AGBL4: variants seen among roughly 807,000 people sequenced by gnomAD.
AGBL4 encodes the protein cytosolic carboxypeptidase 6.
Under a neutral mutation model 66.4 loss-of-function variants are expected in AGBL4, and 58 were observed. That is an observed-to-expected ratio of 0.87 (90% CI 0.71 to 1.09). The LOEUF (loss-of-function observed/expected upper bound fraction) is 1.09, where lower values mean the gene tolerates loss of function less well. Ranked by LOEUF, AGBL4 falls within the 50% of genes least tolerant of loss-of-function variation. The pLI, the probability that AGBL4 is intolerant of heterozygous loss-of-function variation, is 0.00. For synonymous variants in AGBL4, 234 were observed against 222.9 expected, an observed-to-expected ratio of 1.05 and a Z score of -0.44; for missense variants, 579 against 631.0, an observed-to-expected ratio of 0.92 and a Z score of 0.88.
At chr1:49,278,373 G>C (rs189235333) in intron 3 of AGBL4, among the ~76,000 whole-genome samples, 8 of 152,110 alleles carry the variant, frequency 5.3e-5, no homozygotes, top group Admixed American at 1.3e-4. Context: ...TAACAAACAG[G>C]GCAGTAAATC....
intron 6 of AGBL4, among the ~76,000 whole-genome samples, chr1:48,835,350 G>A (rs1024930756): frequency 2.6e-5 from 4 of 152,134 alleles, no homozygotes; most frequent in African/African-American, 9.7e-5. Flanking sequence ...AGCAAAAACA[G>A]ACATGAACTC....
chr1:48,650,981 G>A (rs535675945), intron 8 of AGBL4, among the ~76,000 whole-genome samples: 1 of 152,328 alleles, frequency 6.6e-6, no homozygotes, highest in Non-Finnish European at 1.5e-5. Flanking sequence ...AAGTACTGCT[G>A]TAGAGAGTAG....
intron 2 of AGBL4, among the ~76,000 whole-genome samples, chr1:49,802,447 G>A (rs1644884223): frequency 6.6e-6 from 1 of 152,156 alleles, no homozygotes; most frequent in African/African-American, 2.4e-5. Context: ...AACTGTTACT[G>A]CTGATTAATA....
At chr1:48,610,265 C>CTCTG (rs572188146) in intron 9 of AGBL4, among the ~76,000 whole-genome samples, 230 of 152,324 alleles carry the variant, frequency 1.5e-3, no homozygotes, top group Non-Finnish European at 2.6e-3. Flanking sequence ...CTGTGTCTAA[C>CTCTG]TCTGCATCCC....
At chr1:49,948,035 TAC>T (rs1491516514) in intron 1 of AGBL4, among the ~76,000 whole-genome samples, 2 of 22,026 alleles carry the variant, frequency 9.1e-5, no homozygotes, top group African/African-American at 1.6e-4. Context: ...TAAATATATA[TAC>T]ATATAAATAT....
chr1:48,636,642 C>T (rs1447735335), intron 8 of AGBL4, among the ~76,000 whole-genome samples: 2 of 152,162 alleles, frequency 1.3e-5, no homozygotes, highest in South Asian at 2.1e-4. Context: ...GTGCCTTGAT[C>T]TACAGACATA....
chr1:49,235,431 C>T (rs1196740025), intron 4 of AGBL4, among the ~76,000 whole-genome samples: 1 of 152,190 alleles, frequency 6.6e-6, no homozygotes, highest in African/African-American at 2.4e-5. Flanking sequence ...CAAGTTGTCA[C>T]ATTTCATCCC....
At position 49,258,007 on chromosome 1, in the gene AGBL4, A is replaced by G. The variant is rs531324863; in HGVS notation, c.283-12143T>C. Among the ~76,000 whole-genome samples the G allele has an allele frequency of 3.3e-5, 5 of 152,284 alleles. No individual in the cohort carries two copies. In the South Asian group the frequency reaches 1.0e-3, roughly 32 times the overall value. ...AGACAGCAGCATTTGCAGTTCATGA[A>G]AATCCACGGTTCTGCAGACCCCGCT... is the stretch of plus-strand genomic sequence containing the variant. On this transcript the variant is annotated intron_variant, in intron 3 of 13. Coordinates refer to ENST00000371839, the MANE Select transcript of AGBL4 (RefSeq NM_032785.4).
In AGBL4 at chr1:49,986,303, C is replaced by T. The variant is rs542649142; in HGVS notation, c.34+37460G>A. Among the ~76,000 whole-genome samples, 3 of 152,078 alleles carry T rather than the reference C, an allele frequency of 2.0e-5. No homozygotes were observed. The East Asian group carries it at 5.8e-4, about 29-fold the overall frequency. On this transcript the variant is annotated intron_variant, in intron 1 of 13. Coordinates refer to ENST00000371839, the MANE Select transcript of AGBL4 (RefSeq NM_032785.4). ...GGAGTAGTTTTTTACTGTTCCTGGG[C>T]TTAATATTAACGAAATAATATGATA...
chr1:48,696,274 C>T (rs903326181), intron 6 of AGBL4, among the ~76,000 whole-genome samples: 5 of 152,168 alleles, frequency 3.3e-5, no homozygotes, highest in Non-Finnish European at 4.4e-5. Flanking sequence ...ATCAGGTGAT[C>T]GCACAGATTT....
chr1:49,923,595 AG>A (rs1652480451), intron 1 of AGBL4, among the ~76,000 whole-genome samples: 1 of 152,202 alleles, frequency 6.6e-6, no homozygotes, highest in Non-Finnish European at 1.5e-5. Flanking sequence ...AGAATCTATA[AG>A]GAACTTAAAC....
intron 11 of AGBL4, among the ~76,000 whole-genome samples, chr1:48,564,274 T>A (rs2148303098): frequency 6.6e-6 from 1 of 152,302 alleles, no homozygotes; most frequent in South Asian, 2.1e-4. Flanking sequence ...ACTGTGTCCC[T>A]TTCTGACTTA....
chr1:49,754,952 T>A (rs1651780569), intron 2 of AGBL4, among the ~76,000 whole-genome samples: 1 of 152,178 alleles, frequency 6.6e-6, no homozygotes, highest in African/African-American at 2.4e-5. Context: ...GAAGTCAATC[T>A]TTTTGCTTTT....
chr1:48,833,716 C>T (rs1646611303), intron 6 of AGBL4, among the ~76,000 whole-genome samples: 1 of 152,150 alleles, frequency 6.6e-6, no homozygotes, highest in Admixed American at 6.5e-5. Context: ...GAAACACTGC[C>T]AGCTAGAAGT....
At chr1:49,379,738 C>G (rs926380860) in intron 3 of AGBL4, among the ~76,000 whole-genome samples, 2 of 152,078 alleles carry the variant, frequency 1.3e-5, no homozygotes, top group East Asian at 3.8e-4. Flanking sequence ...CCCACTTGAT[C>G]ATGGTGGATA....
chr1:49,931,078 T>C (rs573513272), intron 1 of AGBL4, among the ~76,000 whole-genome samples: 1 of 152,248 alleles, frequency 6.6e-6, no homozygotes, highest in East Asian at 1.9e-4. Context: ...ACAATGTCAA[T>C]GAACAAAAAC....
intron 3 of AGBL4, among the ~76,000 whole-genome samples, chr1:49,645,842 A>G (rs527952088): frequency 6.6e-6 from 1 of 151,634 alleles, no homozygotes; most frequent in East Asian, 1.9e-4. Flanking sequence ...ATGGCTAAGT[A>G]TGGAATGCAA....
intron 3 of AGBL4, among the ~76,000 whole-genome samples, chr1:49,507,279 G>T (rs1166575353): frequency 6.6e-6 from 1 of 151,862 alleles, no homozygotes; most frequent in Non-Finnish European, 1.5e-5. Flanking sequence ...GAACCATATT[G>T]ATATTCCAGT....
chr1:48,602,340 G>GCT (rs1307476857), intron 9 of AGBL4, among the ~76,000 whole-genome samples: 1 of 152,116 alleles, frequency 6.6e-6, no homozygotes, highest in Non-Finnish European at 1.5e-5. Flanking sequence ...ACTTCTCAGG[G>GCT]CTCTTTCCAC....
Sources: gnomAD v4.1 joint callset for allele counts (sites outside exome capture counted in the v4.1 genomes callset) on GRCh38, gnomAD v4.1.1 for gene constraint, MANE v1.5 for transcripts, NCBI Gene and HGNC (gene_info 2026-07-23, HGNC 2026-07-21) for gene names.